Variants in PHF3 observed in about 807,000 individuals in gnomAD.
The protein encoded by PHF3 is PHD finger protein 3.
PHF3 carries 41 observed loss-of-function variants against 178.4 expected under a neutral mutation model. That is an observed-to-expected ratio of 0.23 (90% CI 0.18 to 0.30). The LOEUF is 0.30. Ranked by LOEUF, PHF3 falls within the 10% of genes least tolerant of loss-of-function variation. The pLI is 1.00. For synonymous variants in PHF3, 842 were observed against 800.5 expected (o/e 1.05, Z -0.88); for missense variants, 2,346 against 2,398.1 (o/e 0.98, Z 0.45).
At chr6:63,682,075 C>T (rs934329068) in intron 3 of PHF3, among the ~76,000 whole-genome samples, 1 of 152,120 alleles carries the variant, frequency 6.6e-6, no homozygotes, top group Non-Finnish European at 1.5e-5. Flanking sequence ...TTTCAATGTA[C>T]TTTACAGCCA....
chr6:63,679,469 G>GT (rs1766330359), intron 2 of PHF3, among the ~76,000 whole-genome samples: 4 of 149,988 alleles, frequency 2.7e-5, no homozygotes, highest in African/African-American at 9.7e-5. Context: ...TCCTCTCTCT[G>GT]TTTTTTTCCG....
intron 2 of PHF3, among the ~76,000 whole-genome samples, chr6:63,671,068 A>G (rs1199437951): frequency 1.3e-5 from 2 of 152,108 alleles, no homozygotes; most frequent in Non-Finnish European, 2.9e-5. Flanking sequence ...AAACTCAATG[A>G]ATAATAATGA....
chr6:63,662,819 A>T (rs894837953), intron 2 of PHF3, among the ~76,000 whole-genome samples: 5 of 152,210 alleles, frequency 3.3e-5, no homozygotes, highest in Non-Finnish European at 1.5e-5. Flanking sequence ...GAGAATATCC[A>T]AAATGGTGAC....
Position 63,719,933 on chromosome 6 carries a change from T to G in PHF3, c.*6225T>G, listed in dbSNP as rs1218830580. The G allele has an allele frequency of 6.6e-6, 1 of 152,094 alleles. No individual in the cohort carries two copies. The highest frequency in any genetic ancestry group is 2.1e-4 in the South Asian group (1 of 4,836). The allele number at this position is 152,094 out of a possible 1,614,324, so 9.4% of individuals were successfully genotyped here. A position where few individuals can be genotyped will look rare whatever the true frequency, so the allele number is the denominator to read the frequency against. On this transcript the variant is annotated 3_prime_UTR_variant, in exon 16 of 16. Transcript: ENST00000262043. ...CTTCATGTTTGTGATATGCATATGCTATGTTTTAAGTTGCACATATTGTAA... is the reference window on the plus strand; with the variant it reads ...CTTCATGTTTGTGATATGCATATGCGATGTTTTAAGTTGCACATATTGTAA...
intron 2 of PHF3, among the ~76,000 whole-genome samples, chr6:63,648,760 T>C (rs1456582121): frequency 6.6e-6 from 1 of 151,998 alleles, no homozygotes; most frequent in Non-Finnish European, 1.5e-5. Context: ...TTTTCTGATA[T>C]TAAAATTTGG....
chr6:63,660,003 T>G (rs1372696906), intron 2 of PHF3, among the ~76,000 whole-genome samples: 1 of 152,202 alleles, frequency 6.6e-6, no homozygotes, highest in Non-Finnish European at 1.5e-5. Flanking sequence ...TTCATTTAGC[T>G]TTGTAGTCAG....
intron 2 of PHF3, among the ~76,000 whole-genome samples, chr6:63,671,331 C>CTT (rs1001616073): frequency 1.3e-5 from 2 of 152,176 alleles, no homozygotes; most frequent in African/African-American, 4.8e-5. Context: ...AGACAAAGTC[C>CTT]TTGCCCTCAT....
chr6:63,715,953 C>G lies in PHF3; in HGVS notation c.*2245C>G, dbSNP rs986145030. 1.3e-5 allele frequency among the ~76,000 whole-genome samples: 2 copies of G among 151,990 alleles called. No homozygotes were observed. The highest frequency in any genetic ancestry group is 4.8e-5 in the African/African-American group (2 of 41,414). ...CTCCTGTTTTAAGAAAAAACCTGCT[C>G]TTTAAAAAAAGTTTTACACTTAAAA... On this transcript the variant is annotated 3_prime_UTR_variant, in exon 16 of 16. Transcript: ENST00000262043.
intron 2 of PHF3, among the ~76,000 whole-genome samples, chr6:63,653,349 T>C (rs1444077819): frequency 6.6e-6 from 1 of 152,084 alleles, no homozygotes; most frequent in African/African-American, 2.4e-5. Flanking sequence ...CATTTTTTGA[T>C]GTGTGTTCTC....
chr6:63,697,156 C>T (rs1365021496), intron 6 of PHF3, among the ~76,000 whole-genome samples: 2 of 151,952 alleles, frequency 1.3e-5, no homozygotes, highest in African/African-American at 4.8e-5. Context: ...ATTCACTCCA[C>T]ATGGAGGGAG....
rs781746335 is a variant in PHF3 at position 63,723,407 on chromosome 6, G to T, written c.*9699G>T. Among the ~76,000 whole-genome samples the T allele has an allele frequency of 6.6e-6, 1 of 152,132 alleles. No homozygotes were observed. Among genetic ancestry groups the T allele is most frequent in the Non-Finnish European group, 1.5e-5 (1 of 68,020 alleles). ...TAAATATACTTTGTGGCCTGCAAGT[G>T]AACACAAACCAGTTATCTTTTGCAA... On this transcript the variant is annotated 3_prime_UTR_variant, in exon 16 of 16. Transcript: ENST00000262043.
At chr6:63,699,434 G>T (rs1479550683) in intron 8 of PHF3, among the ~76,000 whole-genome samples, 2 of 152,170 alleles carry the variant, frequency 1.3e-5, no homozygotes, top group Non-Finnish European at 2.9e-5. Flanking sequence ...AAGGATATTT[G>T]CTACAGTAGG....
intron 1 of PHF3, chr6:63,636,589 C>T (rs980252927): frequency 6.6e-6 from 1 of 152,222 alleles, no homozygotes; most frequent in Admixed American, 6.5e-5. Flanking sequence ...CAGGGAGCCC[C>T]AGCATGGAGC....
rs1299416917 is a variant in PHF3, at chr6:63,714,297, G to C, written c.*589G>C. On this transcript the variant is annotated 3_prime_UTR_variant, in exon 16 of 16. Coordinates refer to ENST00000262043, the MANE Select transcript of PHF3 (RefSeq NM_001370348.2). ...ATTTATTACCATATACTACAGCTTTGTGGTAGGCCATTATTTTCATTTTCA... is the reference window on the plus strand; with the variant it reads ...ATTTATTACCATATACTACAGCTTTCTGGTAGGCCATTATTTTCATTTTCA... 4 of 152,560 alleles carry C rather than the reference G, an allele frequency of 2.6e-5. No individual in the cohort carries two copies. Among genetic ancestry groups the C allele is most frequent in the African/African-American group, 4.8e-5 (2 of 41,436 alleles). 9.5% of individuals were successfully genotyped at this position (152,560 alleles called of 1,614,324 possible).
intron 2 of PHF3, among the ~76,000 whole-genome samples, chr6:63,650,345 A>C (rs746199638): frequency 3.3e-5 from 5 of 152,220 alleles, no homozygotes; most frequent in Non-Finnish European, 7.4e-5. Context: ...TTTGGAGGTT[A>C]AGCAAATTAA....
intron 2 of PHF3, among the ~76,000 whole-genome samples, chr6:63,652,888 G>A (rs1019440863): frequency 6.6e-6 from 1 of 151,988 alleles, no homozygotes; most frequent in Admixed American, 6.6e-5. Flanking sequence ...CCATTGGTGT[G>A]TATGTCTGTT....
chr6:63,717,112 A>C lies in PHF3; in HGVS notation c.*3404A>C, dbSNP rs1768214517. Among the ~76,000 whole-genome samples the C allele has an allele frequency of 6.6e-6, 1 of 152,052 alleles. No homozygotes were observed. The highest frequency in any genetic ancestry group is 2.4e-5 in the African/African-American group (1 of 41,430). On this transcript the variant is annotated 3_prime_UTR_variant, in exon 16 of 16. Coordinates refer to ENST00000262043, the MANE Select transcript of PHF3 (RefSeq NM_001370348.2). ...AGTAAATACATGTGAAAAATTTAAG[A>C]ACAATAACACCAGCAATAGAGAAGA... is the stretch of plus-strand genomic sequence containing the variant.
chr6:63,692,104 C>T, intron 5 of PHF3, 61 bp downstream of exon 5: 1 of 1,170,976 alleles, frequency 8.5e-7, no homozygotes, highest in Non-Finnish European at 1.2e-6. Context: ...GGACTGACTG[C>T]AATAATTTTG....
In PHF3 at chr6:63,713,462, C is replaced by G; in HGVS notation, c.5874C>G (p.Asp1958Glu). 1 of 1,613,546 alleles carries G rather than the reference C, an allele frequency of 6.2e-7. No homozygotes were observed. The highest frequency in any genetic ancestry group is 8.5e-7 in the Non-Finnish European group (1 of 1,179,870). Residue 1958 changes from aspartate (D) to glutamate (E), a missense_variant, in exon 16 of 16, where the codon GAC (aspartate) becomes GAG (glutamate). Coordinates refer to ENST00000262043, the MANE Select transcript of PHF3 (RefSeq NM_001370348.2). ...ACAGAAGCCAAGACAAGGACAGAGA[C>G]AGAAAAAGCAGGGAGGAAGGGCACA... is the stretch of plus-strand genomic sequence containing the variant. Reference protein sequence around the residue: ...RRDRSQDKDRDRKSREEGHKD... With the variant: ...RRDRSQDKDRERKSREEGHKD...
Sources: allele counts gnomAD v4.1 joint callset (sites outside exome capture counted in the v4.1 genomes callset), GRCh38; gene constraint gnomAD v4.1.1; transcripts MANE v1.5; gene names NCBI Gene and HGNC (gene_info 2026-07-23, HGNC 2026-07-21).